The following RRBP1 variants were observed in gnomAD, a reference collection of about 807,000 sequenced individuals.
The protein encoded by RRBP1 is ribosome-binding protein 1.
In RRBP1, 94 loss-of-function variants were observed where a neutral mutation model predicts 165.2. The ratio of observed to expected loss-of-function variants is 0.57; its 90% confidence interval spans 0.48 to 0.68. The LOEUF is 0.68. Ranked by LOEUF, RRBP1 falls within the 30% of genes least tolerant of loss-of-function variation. The pLI is 0.00. For synonymous variants in RRBP1, 680 were observed against 714.5 expected (o/e 0.95, Z 0.77); for missense variants, 1,676 against 1,763.0 (o/e 0.95, Z 0.88).
At chr20:17,642,091 C>G (rs755650971) in intron 4 of RRBP1, among the ~76,000 whole-genome samples, 172 bp from the exon 5 acceptor site, 5 of 152,236 alleles carry the variant, frequency 3.3e-5, no homozygotes, top group Admixed American at 1.3e-4. Flanking sequence ...CCGCCTCAGC[C>G]ATCAGCCTGC....
At chr20:17,680,439 G>T (rs566551895) in intron 1 of RRBP1, among the ~76,000 whole-genome samples, 1 of 152,198 alleles carries the variant, frequency 6.6e-6, no homozygotes. Context: ...TACCCTGAAG[G>T]TTCCAGCACG....
chr20:17,640,815 C>A (rs527552544), intron 5 of RRBP1, among the ~76,000 whole-genome samples: 2 of 152,280 alleles, frequency 1.3e-5, no homozygotes, highest in African/African-American at 4.8e-5. Context: ...AGAGCCGTGA[C>A]CCTGAATTTG....
At chr20:17,634,973 G>A (rs949543836) in intron 7 of RRBP1, among the ~76,000 whole-genome samples, 5 of 152,226 alleles carry the variant, frequency 3.3e-5, no homozygotes, top group Admixed American at 1.3e-4. Flanking sequence ...GTCAGCCCCT[G>A]CCTTGGTGAG....
intron 2 of RRBP1, among the ~76,000 whole-genome samples, chr20:17,668,797 C>T (rs529335190): frequency 6.6e-5 from 10 of 152,256 alleles, no homozygotes; most frequent in African/African-American, 4.8e-5. Context: ...TGACTTTGAC[C>T]GATAATACCG....
Position 17,670,716 on chromosome 20 carries a change from G to A in RRBP1, c.-22+9283C>T, listed in dbSNP as rs573891644. Among the ~76,000 whole-genome samples, 48 of 152,236 alleles carry A rather than the reference G, an allele frequency of 3.2e-4. No homozygotes were observed. The South Asian group carries it at 1.0e-2, about 32-fold the overall frequency. On this transcript the variant is annotated intron_variant, in intron 2 of 24. Transcript: ENST00000377813. ...AGAATATCCTTGAGAAGTTCCTTTA[G>A]CAAAGATCTGTCAGTAGCTATCTTG...
chr20:17,668,577 T>C (rs895640910), intron 2 of RRBP1, among the ~76,000 whole-genome samples: 4 of 152,198 alleles, frequency 2.6e-5, no homozygotes, highest in Non-Finnish European at 4.4e-5. Context: ...AGACTGTGTC[T>C]CCCTTGCCCA....
chr20:17,637,785 C>G (rs1405913761), intron 5 of RRBP1, among the ~76,000 whole-genome samples: 1 of 152,218 alleles, frequency 6.6e-6, no homozygotes, highest in Admixed American at 6.5e-5. Context: ...AGACAATCAT[C>G]TTTTTGGCTC....
chr20:17,654,310 T>C (rs759704453), intron 3 of RRBP1, among the ~76,000 whole-genome samples: 1 of 151,824 alleles, frequency 6.6e-6, no homozygotes, highest in Non-Finnish European at 1.5e-5. Flanking sequence ...TAAGCCAGAG[T>C]CCTAAATGCT....
chr20:17,660,418 A>G lies in RRBP1; in HGVS notation c.90T>C (p.Thr30=), dbSNP rs2036743260. The part of the protein sequence containing the change: ...VSAIGIFLVS[T]FSMKETSYEE... ...CATATGACGTTTCCTTCATGGAGAA[A>G]GTCGACACCAGGAAGATGCCAATGG... is the stretch of plus-strand genomic sequence containing the variant. Residue 30 remains threonine (T), a synonymous_variant, in exon 3 of 25, where the codon ACT becomes ACC. Transcript: ENST00000377813. The G allele has an allele frequency of 6.2e-7, 1 of 1,614,020 alleles. No individual in the cohort carries two copies. The highest frequency in any genetic ancestry group is 1.7e-5 in the Admixed American group (1 of 59,994).
Position 17,621,373 on chromosome 20 carries a change from G to A in RRBP1, c.3414+85C>T, listed in dbSNP as rs1049099832. On this transcript the variant is annotated intron_variant, in intron 16 of 24. Coordinates refer to ENST00000377813, the MANE Select transcript of RRBP1 (RefSeq NM_001365613.2). ...GCCAGTGGGCTTTTCCAAAACACCA[G>A]GCCACCTCCTGCCCCATAGGCCCCG... The A allele has an allele frequency of 9.9e-6, 10 of 1,013,676 alleles. No individual in the cohort carries two copies. In the African/African-American group the frequency reaches 1.3e-4, roughly 13 times the overall value. The allele number at this position is 1,013,676 out of a possible 1,614,324, so 62.8% of individuals were successfully genotyped here.
rs2036736724 is a variant in RRBP1, at chr20:17,660,201, G to A, written c.307C>T (p.Pro103Ser). ...TVLLREPVRA[P>S]AVAVAPTPVQ... The stretch of plus-strand genomic sequence containing the variant: ...GGGGTTGGAGCCACAGCCACAGCAG[G>A]AGCCCGCACTGGTTCTCGAAGGAGG... The change falls in exon 3 of 25, where the codon CCT becomes TCT. Residue 103 changes from proline (P) to serine (S), a missense_variant. Physicochemically the swap from Pro to Ser is moderately conservative, Grantham distance 74 (BLOSUM62 -1). This residue lies in a region of RRBP1 where 392 missense variants were observed against 382.5 expected (regional missense o/e 1.02). Transcript: ENST00000377813. 3 of 1,613,940 alleles carry A rather than the reference G, an allele frequency of 1.9e-6. No homozygotes were observed. Among genetic ancestry groups the A allele is most frequent in the African/African-American group, 1.3e-5 (1 of 74,914 alleles).
rs73262676 is a variant in RRBP1, at chr20:17,664,516, G to A, written c.-21-3988C>T. On this transcript the variant is annotated intron_variant, in intron 2 of 24. Coordinates refer to ENST00000377813, the MANE Select transcript of RRBP1 (RefSeq NM_001365613.2). ...AAGAGGGAAGGATGTAGGAGGCTGC[G>A]CAGAGGCTGGACAGACTGAACTCAC... Among the ~76,000 whole-genome samples the A allele has an allele frequency of 3.9e-3, 595 of 152,336 alleles. 2 individuals carry two copies. Among genetic ancestry groups the A allele is most frequent in the African/African-American group, 0.014 (568 of 41,576 alleles).
rs532271417 is a variant in RRBP1 at position 17,643,401 on chromosome 20, T to C, written c.1913-274A>G. Among the ~76,000 whole-genome samples the C allele has an allele frequency of 1.1e-4, 16 of 152,070 alleles. No homozygotes were observed. The East Asian group carries it at 1.9e-3, about 18-fold the overall frequency. On this transcript the variant is annotated intron_variant, in intron 3 of 24. Transcript: ENST00000377813. The surrounding 1 kb of genome is among the most constrained non-coding windows in gnomAD (Gnocchi z 4.3). The stretch of plus-strand genomic sequence containing the variant: ...GAAGTAGAGCTCCTCTTTTTTTTTT[T>C]CCACCATCAAGATGGCCTGCAACAA...
chr20:17,662,988 C>A (rs1031500369), intron 2 of RRBP1, among the ~76,000 whole-genome samples: 2 of 152,046 alleles, frequency 1.3e-5, no homozygotes, highest in Non-Finnish European at 2.9e-5. Flanking sequence ...CCAACCCAGG[C>A]AACATAGTGA....
chr20:17,674,482 G>A (rs1455211258), intron 2 of RRBP1, among the ~76,000 whole-genome samples: 1 of 151,952 alleles, frequency 6.6e-6, no homozygotes, highest in Non-Finnish European at 1.5e-5. Context: ...GAATTCTCCC[G>A]GCCAGGCTCG....
At chr20:17,648,443 G>A (rs1047302205) in intron 3 of RRBP1, among the ~76,000 whole-genome samples, 1 of 152,238 alleles carries the variant, frequency 6.6e-6, no homozygotes, top group Non-Finnish European at 1.5e-5. Flanking sequence ...GCCCGGCCTT[G>A]CCCAAGCGCT....
intron 11 of RRBP1, 128 bp from the exon 12 acceptor site, chr20:17,625,730 T>G: frequency 1.4e-6 from 1 of 715,806 alleles, no homozygotes; most frequent in Non-Finnish European, 2.4e-6. Context: ...CGGTCCCTTC[T>G]GGCTGCCCCC....
intron 2 of RRBP1, among the ~76,000 whole-genome samples, chr20:17,667,381 TA>T (rs1353648465): frequency 6.6e-6 from 1 of 152,222 alleles, no homozygotes; most frequent in Non-Finnish European, 1.5e-5. Context: ...TAATATTCAT[TA>T]TTCCTTCCTC....
chr20:17,632,110 AG>A lies in RRBP1; in HGVS notation c.2610+1349del, dbSNP rs546351146. Among the ~76,000 whole-genome samples the A allele has an allele frequency of 2.1e-3, 319 of 152,294 alleles. 1 individual carries two copies. The highest frequency in any genetic ancestry group is 7.5e-3 in the African/African-American group (310 of 41,568). ...AACTGAGGCTCTGAAATAACTTGCT[AG>A]GAAGTGGCAGAGCCAGGACCTGAAC... On this transcript the variant is annotated intron_variant, in intron 8 of 24. Transcript: ENST00000377813.
Sources: gnomAD v4.1 joint callset for allele counts (sites outside exome capture counted in the v4.1 genomes callset) on GRCh38, gnomAD v4.1.1 for gene constraint, gnomAD v4.1.1 regional missense constraint, Gnocchi (gnomAD v3.1) non-coding constraint, MANE v1.5 for transcripts, NCBI Gene and HGNC (gene_info 2026-07-23, HGNC 2026-07-21) for gene names.